PARD3B: variants seen among roughly 807,000 people sequenced by gnomAD.
The protein encoded by PARD3B is partitioning defective 3 homolog B.
A neutral mutation model predicts 130.2 loss-of-function variants in PARD3B; 103 were observed. The observed-to-expected ratio is 0.79, with a 90% CI of 0.67 to 0.93. The LOEUF is 0.93. Among genes scored for constraint, PARD3B ranks in the 40% least tolerant of loss-of-function variants. The probability of loss-of-function intolerance (pLI) is 0.00; values close to 1 mark genes in which losing one functional copy is unlikely to be tolerated. For missense variants in PARD3B, 1,609 were observed against 1,499.2 expected, an observed-to-expected ratio of 1.07 and a Z score of -1.21; for synonymous variants, 583 against 553.2, an observed-to-expected ratio of 1.05 and a Z score of -0.76.
rs201552655 is a variant in PARD3B at position 205,121,785 on chromosome 2, C to T, written c.1001C>T (p.Thr334Ile). The T allele has an allele frequency of 9.3e-6, 15 of 1,614,142 alleles. No homozygotes were observed. The highest frequency in any genetic ancestry group is 6.7e-5 in the East Asian group (3 of 44,876). Reference protein sequence around the residue: ...GKSGLKTANLTGTDSPETDAS... With the variant: ...GKSGLKTANLIGTDSPETDAS... ...TCGGGACTAAAGACAGCAAATCTCA[C>T]AGGAACCGATAGTCCTGAAACAGAT... is the stretch of plus-strand genomic sequence containing the variant. Residue 334 changes from threonine to isoleucine, a missense_variant, in exon 8 of 23, where the codon ACA (threonine) becomes ATA (isoleucine). By Grantham distance (89) the Thr-to-Ile change is moderately conservative. Transcript: ENST00000406610. This position sits in a 1 kb window ranked among gnomAD's most constrained non-coding sequence, Gnocchi z 5.0.
intron 21 of PARD3B, 113 bp downstream of exon 21, chr2:205,500,144 G>T: frequency 5.6e-6 from 7 of 1,246,362 alleles, no homozygotes; most frequent in Non-Finnish European, 7.7e-6. Flanking sequence ...AGGTTTCTTG[G>T]GCTTCATAGA....
chr2:204,995,161 G>A (rs372501758), intron 3 of PARD3B, among the ~76,000 whole-genome samples: 1 of 152,150 alleles, frequency 6.6e-6, no homozygotes, highest in East Asian at 1.9e-4. Flanking sequence ...AGTTGATGCA[G>A]TTTCTTCCTA....
At chr2:205,478,256 C>T (rs922720922) in intron 20 of PARD3B, among the ~76,000 whole-genome samples, 48 of 152,312 alleles carry the variant, frequency 3.2e-4, no homozygotes, top group African/African-American at 9.4e-4. Flanking sequence ...TCACTAGGGG[C>T]GCCCCCATTA....
intron 13 of PARD3B, among the ~76,000 whole-genome samples, chr2:205,184,744 A>T (rs931263299): frequency 5.3e-5 from 8 of 151,652 alleles, no homozygotes; most frequent in African/African-American, 1.9e-4. Flanking sequence ...TCCATCTCAA[A>T]AATAATAATA....
intron 2 of PARD3B, among the ~76,000 whole-genome samples, chr2:204,712,244 A>C (rs1198848515): frequency 6.6e-6 from 1 of 152,232 alleles, no homozygotes; most frequent in African/African-American, 2.4e-5. Context: ...ATTATGGTTT[A>C]AAAATTGTGT....
Position 204,881,458 on chromosome 2 carries a change from A to G in PARD3B, c.223-83694A>G, listed in dbSNP as rs1401721410. On this transcript the variant is annotated intron_variant, in intron 2 of 22. Transcript: ENST00000406610. ...AACGTAACATTTAAATTTTTGCTTA[A>G]TAAGAAAACAATGAGGGAGAGTTAA... Among the ~76,000 whole-genome samples the G allele has an allele frequency of 2.0e-5, 3 of 152,174 alleles. No individual in the cohort carries two copies. The East Asian group carries it at 5.8e-4, about 29-fold the overall frequency.
intron 20 of PARD3B, among the ~76,000 whole-genome samples, chr2:205,481,886 GA>G (rs1192766518): frequency 6.6e-6 from 1 of 152,182 alleles, no homozygotes; most frequent in East Asian, 1.9e-4. Flanking sequence ...AGGAGGGAAA[GA>G]AGATTTCAAT....
Position 204,558,492 on chromosome 2 carries a change from G to A in PARD3B, c.120+12373G>A, listed in dbSNP as rs565087665. Among the ~76,000 whole-genome samples, 149 of 152,306 alleles carry A rather than the reference G, an allele frequency of 9.8e-4. 1 individual carries two copies. Among genetic ancestry groups the A allele is most frequent in the African/African-American group, 2.6e-3 (110 of 41,586 alleles). Reference sequence around the variant, plus strand: ...TAGGAATCCCACTTACAAGGGATGTGAAGGACCTCTTCAAGGAGAATTACA... The same window carrying A: ...TAGGAATCCCACTTACAAGGGATGTAAAGGACCTCTTCAAGGAGAATTACA... On this transcript the variant is annotated intron_variant, in intron 1 of 22. Transcript: ENST00000406610.
chr2:204,632,430 C>T (rs568002261), intron 1 of PARD3B, among the ~76,000 whole-genome samples: 2 of 152,236 alleles, frequency 1.3e-5, no homozygotes, highest in South Asian at 2.1e-4. Flanking sequence ...TCTTTGTGGG[C>T]TTATCTACCT....
rs569234991 is a variant in PARD3B, at chr2:205,172,465, G to A, written c.1791+84G>A. ...ACTTCCATTCCTAGTATGGCAGCTA[G>A]ATTCATATCGAGAAAATATGCCCCA... On this transcript the variant is annotated intron_variant, in intron 12 of 22. Transcript: ENST00000406610. 1.7e-5 allele frequency: 23 copies of A among 1,359,306 alleles called. 1 individual carries two copies. In the African/African-American group the frequency reaches 3.4e-4, roughly 20 times the overall value. The allele number at this position is 1,359,306 out of a possible 1,614,324, so 84.2% of individuals were successfully genotyped here.
intron 2 of PARD3B, among the ~76,000 whole-genome samples, chr2:204,731,525 T>G (rs1466042238): frequency 6.6e-6 from 1 of 152,216 alleles, no homozygotes. Context: ...TGTAAAACAG[T>G]CTAGACCCGT....
chr2:205,250,936 TAAAAAATA>T (rs2039819075), intron 16 of PARD3B, among the ~76,000 whole-genome samples: 1 of 151,544 alleles, frequency 6.6e-6, no homozygotes, highest in South Asian at 2.1e-4. Context: ...CTCAAAAAAA[TAAAAAATA>T]AAAAAATAAA....
At chr2:205,279,085 A>C (rs939424895) in intron 16 of PARD3B, among the ~76,000 whole-genome samples, 3 of 150,600 alleles carry the variant, frequency 2.0e-5, no homozygotes, top group South Asian at 2.1e-4. Flanking sequence ...AAAAAAAAAA[A>C]AAAAAAAAAA....
chr2:204,640,626 C>A (rs2035044720), intron 1 of PARD3B, among the ~76,000 whole-genome samples: 1 of 152,168 alleles, frequency 6.6e-6, no homozygotes, highest in Non-Finnish European at 1.5e-5. Flanking sequence ...ATTTTGTCAA[C>A]CTTGCCTACA....
At position 204,713,011 on chromosome 2, in the gene PARD3B, C is replaced by T. The variant is rs565204385; in HGVS notation, c.222+26729C>T. On this transcript the variant is annotated intron_variant, in intron 2 of 22. Transcript: ENST00000406610. ...TTTTGGATTCATCCACATTCATGCA[C>T]GTAAGTTTGGCTTATTAATTTCACT... Among the ~76,000 whole-genome samples, 11 of 152,168 alleles carry T rather than the reference C, an allele frequency of 7.2e-5. No homozygotes were observed. The South Asian group carries it at 1.7e-3, about 23-fold the overall frequency.
In PARD3B at chr2:204,826,590, C is replaced by CA. The variant is rs1293634885; in HGVS notation, c.223-138556dup. On this transcript the variant is annotated intron_variant, in intron 2 of 22. Coordinates refer to ENST00000406610, the MANE Select transcript of PARD3B (RefSeq NM_001302769.2). ...TAAAAAGTTACTTATGATAGCTATCCAAAAAATTGCTGATTGATAGATAGT... is the reference window on the plus strand; with the variant it reads ...TAAAAAGTTACTTATGATAGCTATCCAAAAAAATTGCTGATTGATAGATAGT... 1.4e-4 allele frequency among the ~76,000 whole-genome samples: 22 copies of CA among 152,116 alleles called. No individual in the cohort carries two copies. The South Asian group carries it at 3.5e-3, about 24-fold the overall frequency.
chr2:204,859,789 C>A (rs1389116254), intron 2 of PARD3B, among the ~76,000 whole-genome samples: 1 of 152,138 alleles, frequency 6.6e-6, no homozygotes. Flanking sequence ...TAGAGCATAA[C>A]CCACAGCAAA....
At chr2:205,322,887 C>CCCTTTTT (rs2042798910) in intron 18 of PARD3B, among the ~76,000 whole-genome samples, 1 of 92,652 alleles carries the variant, frequency 1.1e-5, no homozygotes, top group African/African-American at 3.5e-5. Flanking sequence ...TTATTAACAC[C>CCCTTTTT]TCTTTTTTTT....
At chr2:205,391,375 A>T (rs189204556) in intron 18 of PARD3B, among the ~76,000 whole-genome samples, 1 of 152,328 alleles carries the variant, frequency 6.6e-6, no homozygotes, top group Admixed American at 6.5e-5. Flanking sequence ...GTGTCTATTT[A>T]CTCAACCAGC....
Sources: allele counts gnomAD v4.1 joint callset (sites outside exome capture counted in the v4.1 genomes callset), GRCh38; gene constraint gnomAD v4.1.1; non-coding constraint Gnocchi (gnomAD v3.1); transcripts MANE v1.5; gene names NCBI Gene and HGNC (gene_info 2026-07-23, HGNC 2026-07-21).